The following SLC6A11 variants were observed in gnomAD, a reference collection of about 807,000 sequenced individuals.
The protein encoded by SLC6A11 is solute carrier family 6 member 11.
SLC6A11 carries 25 observed loss-of-function variants against 74.8 expected under a neutral mutation model. That is an observed-to-expected ratio of 0.33 (90% CI 0.24 to 0.47). The LOEUF is 0.47. SLC6A11 is among the 20% of genes least tolerant of loss of function. The pLI, the probability that SLC6A11 is intolerant of heterozygous loss-of-function variation, is 1.00. For missense variants in SLC6A11, 574 were observed against 837.0 expected (o/e 0.69, Z 3.88); for synonymous variants, 330 against 330.2 (o/e 1.00, Z 0.01).
intron 6 of SLC6A11, among the ~76,000 whole-genome samples, chr3:10,896,263 C>A (rs1695170282): frequency 6.6e-6 from 1 of 152,266 alleles, no homozygotes; most frequent in Non-Finnish European, 1.5e-5. Flanking sequence ...TCTCTTACCC[C>A]AAGTGGGACC....
At chr3:10,894,449 G>T (rs1354839371) in intron 6 of SLC6A11, among the ~76,000 whole-genome samples, 1 of 152,182 alleles carries the variant, frequency 6.6e-6, no homozygotes, top group Non-Finnish European at 1.5e-5. Flanking sequence ...AGAGCGTTTG[G>T]CTCCAGGCTC....
intron 10 of SLC6A11, 85 bp downstream of exon 10, chr3:10,929,424 CG>C: frequency 1.3e-6 from 2 of 1,488,194 alleles, no homozygotes; most frequent in Non-Finnish European, 1.9e-6. Context: ...CTGTGTGACC[CG>C]GGTCAGGTCT....
chr3:10,849,237 G>T (rs1694542460), intron 5 of SLC6A11, among the ~76,000 whole-genome samples: 1 of 152,200 alleles, frequency 6.6e-6, no homozygotes, highest in Non-Finnish European at 1.5e-5. Flanking sequence ...GCTTTCTTCA[G>T]GAGATAACTT....
chr3:10,898,496 G>T (rs556789111), intron 6 of SLC6A11, among the ~76,000 whole-genome samples: 1 of 152,142 alleles, frequency 6.6e-6, no homozygotes, highest in African/African-American at 2.4e-5. Context: ...TCTCTCTTAA[G>T]TTCAAAGTTC....
chr3:10,887,298 T>TGATG (rs113426564), intron 6 of SLC6A11, among the ~76,000 whole-genome samples: 22,719 of 143,826 alleles, frequency 0.16, 2,196 homozygotes, highest in African/African-American at 0.27. Context: ...GATAAATGGA[T>TGATG]GATGGATGGA....
intron 6 of SLC6A11, among the ~76,000 whole-genome samples, chr3:10,877,224 T>G (rs1294915106): frequency 6.6e-6 from 1 of 152,222 alleles, no homozygotes; most frequent in African/African-American, 2.4e-5. Context: ...AGAAACCCTA[T>G]GGACCCCTGT....
At position 10,918,776 on chromosome 3, in the gene SLC6A11, T is replaced by G. The variant is rs936894772; in HGVS notation, c.1120+323T>G. Among the ~76,000 whole-genome samples the G allele has an allele frequency of 2.0e-4, 31 of 151,948 alleles. No individual in the cohort carries two copies. The highest frequency in any genetic ancestry group is 6.7e-4 in the African/African-American group (28 of 41,482). ...CCTGGATGGCTCAGAAACCTTTCCC[T>G]GGACTCTGTGCCTCTGCTGTTGTCA... On this transcript the variant is annotated intron_variant, in intron 8 of 13. Coordinates refer to ENST00000254488, the MANE Select transcript of SLC6A11 (RefSeq NM_014229.3). This position sits in a 1 kb window ranked among gnomAD's most constrained non-coding sequence, Gnocchi z 4.5.
At chr3:10,867,597 CTG>C (rs1491117741) in intron 5 of SLC6A11, among the ~76,000 whole-genome samples, 1 of 152,210 alleles carries the variant, frequency 6.6e-6, no homozygotes, top group Non-Finnish European at 1.5e-5. Context: ...CTTTGGCTGA[CTG>C]AGAGAGCAAG....
chr3:10,869,383 G>A (rs1694803082), intron 5 of SLC6A11, among the ~76,000 whole-genome samples: 1 of 152,248 alleles, frequency 6.6e-6, no homozygotes, highest in Non-Finnish European at 1.5e-5. Flanking sequence ...GGACCACTCT[G>A]AGCCTCGTCT....
intron 4 of SLC6A11, among the ~76,000 whole-genome samples, chr3:10,828,488 G>T (rs1042002058): frequency 6.6e-6 from 1 of 152,168 alleles, no homozygotes; most frequent in African/African-American, 2.4e-5. Context: ...AGTGAAGGTT[G>T]GTTCTTTCTG....
chr3:10,832,270 G>A (rs572381242), intron 4 of SLC6A11, among the ~76,000 whole-genome samples: 3 of 152,266 alleles, frequency 2.0e-5, no homozygotes, highest in Admixed American at 2.0e-4. Context: ...CTTCTCTCAA[G>A]GAGAGGGCCA....
intron 3 of SLC6A11, 78 bp from the exon 4 acceptor site, chr3:10,823,224 T>A (rs1426700347): frequency 9.4e-7 from 1 of 1,065,128 alleles, no homozygotes; most frequent in African/African-American, 1.5e-5. Context: ...TAGTTGCGCA[T>A]CAGCTCTGAA....
intron 9 of SLC6A11, among the ~76,000 whole-genome samples, chr3:10,927,865 C>T (rs537400804): frequency 4.6e-5 from 7 of 152,292 alleles, no homozygotes; most frequent in Admixed American, 6.5e-5. Context: ...ACAAATAGCT[C>T]CAGGGAAGGG....
intron 12 of SLC6A11, 39 bp from the exon 13 acceptor site, chr3:10,934,990 G>A (rs1307155377): frequency 6.3e-6 from 10 of 1,583,896 alleles, no homozygotes; most frequent in Admixed American, 1.7e-5. Flanking sequence ...GCAGGGCTGA[G>A]GGCCCATCCC....
intron 9 of SLC6A11, 55 bp from the exon 10 acceptor site, chr3:10,929,147 G>A (rs533734056): frequency 1.3e-6 from 2 of 1,596,188 alleles, no homozygotes; most frequent in East Asian, 2.2e-5. Context: ...CAGAGCCTGG[G>A]CCACCAGGAG....
intron 4 of SLC6A11, among the ~76,000 whole-genome samples, chr3:10,826,059 G>T (rs1255792362): frequency 2.6e-5 from 4 of 152,162 alleles, no homozygotes; most frequent in Admixed American, 2.6e-4. Context: ...TAACTGTGTG[G>T]GAATTTTGAT....
At chr3:10,842,089 G>A (rs1195126919) in intron 4 of SLC6A11, among the ~76,000 whole-genome samples, 4 of 152,224 alleles carry the variant, frequency 2.6e-5, no homozygotes, top group African/African-American at 9.6e-5. Flanking sequence ...GGGCAAAGGA[G>A]AGCCAGTAGG....
chr3:10,902,722 G>A (rs1022143486), intron 6 of SLC6A11, among the ~76,000 whole-genome samples: 1 of 152,238 alleles, frequency 6.6e-6, no homozygotes, highest in Non-Finnish European at 1.5e-5. Context: ...ATGGAGCCTG[G>A]CTAGAGCTAT....
intron 6 of SLC6A11, among the ~76,000 whole-genome samples, chr3:10,894,914 G>A (rs1387975279): frequency 6.6e-6 from 1 of 152,134 alleles, no homozygotes; most frequent in African/African-American, 2.4e-5. Flanking sequence ...TAGAATTTTT[G>A]TCAATTAAAA....
Sources: gnomAD v4.1 joint callset for allele counts (sites outside exome capture counted in the v4.1 genomes callset) on GRCh38, gnomAD v4.1.1 for gene constraint, Gnocchi (gnomAD v3.1) non-coding constraint, MANE v1.5 for transcripts, NCBI Gene and HGNC (gene_info 2026-07-23, HGNC 2026-07-21) for gene names.